Variants in EPHX4 observed in about 807,000 individuals in gnomAD.
EPHX4 encodes the protein abhydrolase domain containing 7.
Under a neutral mutation model 44.9 loss-of-function variants are expected in EPHX4, and 31 were observed. The observed-to-expected ratio is 0.69, with a 90% confidence interval of 0.52 to 0.93. The LOEUF is 0.93. EPHX4 is among the 40% of genes least tolerant of loss of function. The pLI is 0.00. For missense variants in EPHX4, 373 were observed against 438.1 expected, an observed-to-expected ratio of 0.85 and a Z score of 1.33; for synonymous variants, 151 against 159.7, an observed-to-expected ratio of 0.95 and a Z score of 0.41.
intron 6 of EPHX4, among the ~76,000 whole-genome samples, chr1:92,054,587 C>CAAAAA (rs745316500): frequency 5.5e-5 from 3 of 54,658 alleles, no homozygotes; most frequent in African/African-American, 1.2e-4. Flanking sequence ...GACTCCATCT[C>CAAAAA]AAAAAAAAAA....
chr1:92,035,855 C>A (rs1422136937), intron 2 of EPHX4, among the ~76,000 whole-genome samples: 4 of 152,118 alleles, frequency 2.6e-5, no homozygotes, highest in African/African-American at 9.7e-5. Context: ...CTCATTTAAG[C>A]CCCATAGCTA....
intron 6 of EPHX4, 109 bp downstream of exon 6, chr1:92,052,767 G>T: frequency 7.9e-6 from 8 of 1,010,266 alleles, no homozygotes; most frequent in East Asian, 3.0e-5. Context: ...ACTCAAATAA[G>T]GTATTTTAAT....
intron 1 of EPHX4, among the ~76,000 whole-genome samples, chr1:92,031,880 T>C (rs1186438186): frequency 1.3e-5 from 2 of 152,054 alleles, no homozygotes; most frequent in Admixed American, 1.3e-4. Flanking sequence ...ATTCTCTTAT[T>C]AGAAACGCAC....
intron 4 of EPHX4, among the ~76,000 whole-genome samples, chr1:92,047,716 A>T (rs1688601818): frequency 6.6e-6 from 1 of 152,182 alleles, no homozygotes; most frequent in African/African-American, 2.4e-5. Context: ...CACTGCCTTG[A>T]TTTGTGCTAA....
At chr1:92,036,419 G>C (rs772132160) in intron 2 of EPHX4, among the ~76,000 whole-genome samples, 13 of 152,124 alleles carry the variant, frequency 8.5e-5, no homozygotes, top group Non-Finnish European at 1.6e-4. Flanking sequence ...GAATCATCAG[G>C]GGATGAAACA....
At chr1:92,045,350 G>A (rs755899696) in intron 3 of EPHX4, among the ~76,000 whole-genome samples, 182 bp from the exon 4 acceptor site, 6 of 151,768 alleles carry the variant, frequency 4.0e-5, no homozygotes, top group Non-Finnish European at 7.4e-5. Context: ...GGTTTAGAGT[G>A]GAGCTATATA....
Position 92,042,867 on chromosome 1 carries a change from G to T in EPHX4, c.362G>T (p.Arg121Leu). 1 of 1,612,186 alleles carries T rather than the reference G, an allele frequency of 6.2e-7. No individual in the cohort carries two copies. Among genetic ancestry groups the T allele is most frequent in the African/African-American group, 1.3e-5 (1 of 74,912 alleles). ...CTGAGAGAATTTAAAAGTGAATATC[G>T]AGTTGTAGCACTGGATTTGAGAGGT... Reference protein sequence around the residue: ...YQLREFKSEYRVVALDLRGYG... With the variant: ...YQLREFKSEYLVVALDLRGYG... The change falls in exon 3 of 7, where the codon CGA (arginine) becomes CTA (leucine). Residue 121 changes from arginine (R) to leucine (L), a missense_variant. Coordinates refer to ENST00000370383, the MANE Select transcript of EPHX4 (RefSeq NM_173567.5).
At chr1:92,048,035 A>C (rs1044909187) in intron 4 of EPHX4, among the ~76,000 whole-genome samples, 1 of 152,230 alleles carries the variant, frequency 6.6e-6, no homozygotes, top group African/African-American at 2.4e-5. Context: ...TCTGAGGTTC[A>C]AGTACTACTA....
At chr1:92,048,977 A>G (rs1688620881) in intron 4 of EPHX4, among the ~76,000 whole-genome samples, 1 of 151,880 alleles carries the variant, frequency 6.6e-6, no homozygotes, top group Non-Finnish European at 1.5e-5. Flanking sequence ...CACTGGGATT[A>G]CAGGCATGAG....
chr1:92,045,406 A>G (rs1688569725), intron 3 of EPHX4, 126 bp from the exon 4 acceptor site: 1 of 1,210,944 alleles, frequency 8.3e-7, no homozygotes, highest in Admixed American at 2.3e-5. Context: ...CAATATCTGC[A>G]CAAAGTGCAT....
intron 2 of EPHX4, among the ~76,000 whole-genome samples, chr1:92,035,343 A>G (rs922464116): frequency 1.3e-5 from 2 of 152,238 alleles, no homozygotes; most frequent in Admixed American, 1.3e-4. Context: ...CTAACATAGC[A>G]TGGGCAGTAC....
At chr1:92,050,627 CTG>C (rs1291476360) in intron 5 of EPHX4, among the ~76,000 whole-genome samples, 2 of 151,904 alleles carry the variant, frequency 1.3e-5, no homozygotes, top group Admixed American at 6.5e-5. Context: ...TTTTGTAAGA[CTG>C]TGCCCCTATG....
At chr1:92,048,272 A>T (rs1184212459) in intron 4 of EPHX4, among the ~76,000 whole-genome samples, 3 of 152,156 alleles carry the variant, frequency 2.0e-5, no homozygotes. Flanking sequence ...GAGTCACTGT[A>T]TTTTTCTAGT....
At chr1:92,062,324 G>C in intron 6 of EPHX4, among the ~76,000 whole-genome samples, 1 of 151,572 alleles carries the variant, frequency 6.6e-6, no homozygotes, top group Admixed American at 6.6e-5. Context: ...GGTGGCTCAC[G>C]GCTGTAATCC....
chr1:92,040,470 C>T (rs1311131974), intron 2 of EPHX4, among the ~76,000 whole-genome samples: 1 of 151,804 alleles, frequency 6.6e-6, no homozygotes, highest in Non-Finnish European at 1.5e-5. Flanking sequence ...GGATTACAGG[C>T]ATGCACTGCC....
At chr1:92,056,070 AG>A (rs998766329) in intron 6 of EPHX4, among the ~76,000 whole-genome samples, 1 of 152,162 alleles carries the variant, frequency 6.6e-6, no homozygotes, top group African/African-American at 2.4e-5. Flanking sequence ...TCAAGGCAAA[AG>A]ATGGAGTTTT....
intron 2 of EPHX4, among the ~76,000 whole-genome samples, chr1:92,034,058 C>T (rs1212149437): frequency 1.6e-5 from 2 of 127,888 alleles, no homozygotes; most frequent in African/African-American, 5.8e-5. Flanking sequence ...ATCAGGAGGC[C>T]GAGGCGGGTG....
chr1:92,047,871 G>A (rs1236022388), intron 4 of EPHX4, among the ~76,000 whole-genome samples: 1 of 152,092 alleles, frequency 6.6e-6, no homozygotes, highest in Non-Finnish European at 1.5e-5. Context: ...GAATCCCCAG[G>A]GATTCACATG....
intron 2 of EPHX4, among the ~76,000 whole-genome samples, chr1:92,039,360 T>C (rs971566816): frequency 2.0e-4 from 31 of 152,306 alleles, no homozygotes; most frequent in Admixed American, 3.9e-4. Context: ...TGAATTAAGG[T>C]AATGATAGAA....
Sources: allele counts gnomAD v4.1 joint callset (sites outside exome capture counted in the v4.1 genomes callset), GRCh38; gene constraint gnomAD v4.1.1; transcripts MANE v1.5; gene names NCBI Gene and HGNC (gene_info 2026-07-23, HGNC 2026-07-21).